Variants in GREB1L observed in about 807,000 individuals in gnomAD.
GREB1L encodes the protein GREB1 like retinoic acid receptor coactivator, also known as GREB1-like protein.
In GREB1L, 17 loss-of-function variants were observed where a neutral mutation model predicts 200.8. The ratio of observed to expected loss-of-function variants is 0.08; its 90% CI spans 0.06 to 0.13. GREB1L has a LOEUF of 0.13. GREB1L is among the 10% of genes least tolerant of loss of function. The probability of loss-of-function intolerance (pLI) is 1.00; values close to 1 mark genes in which losing one functional copy is unlikely to be tolerated. For synonymous variants in GREB1L, 789 were observed against 893.0 expected (o/e 0.88, Z 2.08); for missense variants, 1,657 against 2,367.7 (o/e 0.70, Z 6.23).
intron 17 of GREB1L, among the ~76,000 whole-genome samples, chr18:21,482,869 A>T (rs907421581): frequency 1.3e-5 from 2 of 152,168 alleles, no homozygotes; most frequent in African/African-American, 4.8e-5. Flanking sequence ...TTCTCCCCCC[A>T]GAAATAGTGA....
intron 1 of GREB1L, among the ~76,000 whole-genome samples, chr18:21,308,493 G>A (rs1195833956): frequency 2.6e-5 from 4 of 152,132 alleles, no homozygotes; most frequent in South Asian, 2.1e-4. Flanking sequence ...GAGTATCATC[G>A]CCACTATCAC....
intron 10 of GREB1L, 140 bp from the exon 11 acceptor site, chr18:21,444,084 A>G (rs1470639373): frequency 5.3e-6 from 3 of 569,522 alleles, no homozygotes; most frequent in Admixed American, 3.4e-5. Flanking sequence ...TGGGATTGAT[A>G]TGTTTGAGTG....
chr18:21,490,470 A>G (rs2036289666), intron 19 of GREB1L, 119 bp downstream of exon 19: 3 of 776,570 alleles, frequency 3.9e-6, no homozygotes, highest in Admixed American at 2.8e-5. Flanking sequence ...TTCCATGACA[A>G]TGATAAGGCT....
At chr18:21,478,551 T>G (rs1298554304) in intron 17 of GREB1L, among the ~76,000 whole-genome samples, 1 of 152,252 alleles carries the variant, frequency 6.6e-6, no homozygotes, top group African/African-American at 2.4e-5. Context: ...GTTCTCTGAC[T>G]TGGCGCTCTT....
intron 15 of GREB1L, among the ~76,000 whole-genome samples, chr18:21,465,606 A>G (rs1222685141): frequency 2.6e-5 from 4 of 152,206 alleles, no homozygotes; most frequent in African/African-American, 7.2e-5. Flanking sequence ...GGTATTTATG[A>G]CACTAGTCTT....
chr18:21,359,468 A>G (rs1451741916), intron 1 of GREB1L, among the ~76,000 whole-genome samples: 3 of 152,192 alleles, frequency 2.0e-5, no homozygotes, highest in Non-Finnish European at 4.4e-5. Flanking sequence ...ATAAATAAAT[A>G]AAATCAAGAA....
chr18:21,441,578 T>C (rs2033902814), intron 10 of GREB1L, 41 bp downstream of exon 10: 1 of 1,510,030 alleles, frequency 6.6e-7, no homozygotes, highest in Non-Finnish European at 8.9e-7. Flanking sequence ...TCTGCTGGAA[T>C]CTAGGAGTGT....
intron 17 of GREB1L, among the ~76,000 whole-genome samples, chr18:21,484,972 G>A (rs1244505510): frequency 3.9e-5 from 6 of 152,094 alleles, no homozygotes; most frequent in Admixed American, 2.6e-4. Context: ...ATTTAATATC[G>A]TAGAGCTTCT....
At chr18:21,457,007 T>G (rs1243696485) in intron 15 of GREB1L, among the ~76,000 whole-genome samples, 1 of 152,212 alleles carries the variant, frequency 6.6e-6, no homozygotes, top group Admixed American at 6.5e-5. Context: ...CAAATTGTGC[T>G]TGAGCAAACA....
chr18:21,453,021 G>T (rs1235483233), intron 14 of GREB1L, among the ~76,000 whole-genome samples: 1 of 152,152 alleles, frequency 6.6e-6, no homozygotes, highest in Admixed American at 6.5e-5. Flanking sequence ...ACTTCTCAAT[G>T]GTATTTGGTA....
chr18:21,440,193 T>C, intron 8 of GREB1L, 76 bp from the exon 9 acceptor site: 2 of 1,419,158 alleles, frequency 1.4e-6, no homozygotes, highest in Non-Finnish European at 1.9e-6. Context: ...CTTATATTAC[T>C]CTGGCGTTCT....
chr18:21,511,243 A>G (rs1477030683), intron 27 of GREB1L, among the ~76,000 whole-genome samples: 3 of 152,114 alleles, frequency 2.0e-5, no homozygotes, highest in Non-Finnish European at 4.4e-5. Context: ...ACTTGCCTGT[A>G]ATTCCAGCTA....
At chr18:21,407,990 G>C (rs1349384402) in intron 7 of GREB1L, among the ~76,000 whole-genome samples, 3 of 152,194 alleles carry the variant, frequency 2.0e-5, no homozygotes, top group Non-Finnish European at 4.4e-5. Context: ...GGGATGAAGA[G>C]AGGTTGGCTA....
At chr18:21,453,219 T>C (rs2145453892) in intron 14 of GREB1L, among the ~76,000 whole-genome samples, 1 of 152,288 alleles carries the variant, frequency 6.6e-6, no homozygotes, top group South Asian at 2.1e-4. Context: ...GACAGATATA[T>C]TTTGATTAGT....
intron 1 of GREB1L, among the ~76,000 whole-genome samples, chr18:21,248,801 G>C (rs144046115): frequency 6.6e-6 from 1 of 152,274 alleles, no homozygotes; most frequent in East Asian, 1.9e-4. Flanking sequence ...CAGTCTCTCA[G>C]TTATACTGGT....
intron 19 of GREB1L, among the ~76,000 whole-genome samples, chr18:21,492,900 A>G (rs2036396840): frequency 6.6e-6 from 1 of 152,136 alleles, no homozygotes. Flanking sequence ...GCAGTGAGCT[A>G]TGATCCCACC....
chr18:21,242,623 C>G (rs983968839), intron 1 of GREB1L, among the ~76,000 whole-genome samples: 2 of 152,156 alleles, frequency 1.3e-5, no homozygotes, highest in Non-Finnish European at 2.9e-5. Flanking sequence ...GGAGCCGTGC[C>G]TGCCTTCCCT....
chr18:21,269,972 A>G (rs2038052269), intron 1 of GREB1L, among the ~76,000 whole-genome samples: 1 of 152,238 alleles, frequency 6.6e-6, no homozygotes, highest in Non-Finnish European at 1.5e-5. Context: ...AAAGAGTCTA[A>G]TAATGAAAAT....
intron 32 of GREB1L, among the ~76,000 whole-genome samples, chr18:21,521,861 G>A (rs1197830229): frequency 6.6e-6 from 1 of 151,770 alleles, no homozygotes; most frequent in African/African-American, 2.4e-5. Flanking sequence ...AAAATTAGCT[G>A]GGAGTGGTGG....
Sources: allele counts gnomAD v4.1 joint callset (sites outside exome capture counted in the v4.1 genomes callset), GRCh38; gene constraint gnomAD v4.1.1; transcripts MANE v1.5; gene names NCBI Gene and HGNC (gene_info 2026-07-23, HGNC 2026-07-21).